DEPDC5: variants seen among roughly 807,000 people sequenced by gnomAD.
DEPDC5 encodes the protein DEP domain containing 5, GATOR1 subcomplex subunit.
In DEPDC5, 73 loss-of-function variants were observed where a neutral mutation model predicts 217.3. The observed-to-expected ratio is 0.34, with a 90% CI of 0.28 to 0.41. The LOEUF (loss-of-function observed/expected upper bound fraction) is 0.41. DEPDC5 is among the 10% of genes least tolerant of loss of function. The pLI, the probability that DEPDC5 is intolerant of heterozygous loss-of-function variation, is 1.00. For synonymous variants in DEPDC5, 733 were observed against 756.7 expected (o/e 0.97, Z 0.51); for missense variants, 1,675 against 2,070.1 (o/e 0.81, Z 3.70).
At chr22:31,843,281 A>G in intron 28 of DEPDC5, 69 bp downstream of exon 28, 1 of 1,423,698 alleles carries the variant, frequency 7.0e-7, no homozygotes, top group Non-Finnish European at 9.7e-7. Flanking sequence ...AATTGTGTGT[A>G]TAGTACATCA....
intron 6 of DEPDC5, 116 bp from the exon 7 acceptor site, chr22:31,768,697 AG>A: frequency 1.2e-6 from 1 of 867,384 alleles, no homozygotes; most frequent in South Asian, 1.7e-5. Flanking sequence ...GAGATTAGAA[AG>A]CTAGGAGTTC....
intron 40 of DEPDC5, among the ~76,000 whole-genome samples, chr22:31,899,814 C>T (rs575015686): frequency 1.3e-5 from 2 of 152,258 alleles, no homozygotes; most frequent in South Asian, 2.1e-4. Context: ...ATTACCACCC[C>T]AGGCCTCAGC....
At chr22:31,768,941 A>G (rs566289457) in intron 7 of DEPDC5, 78 bp downstream of exon 7, 2 of 1,535,684 alleles carry the variant, frequency 1.3e-6, no homozygotes, top group Admixed American at 3.4e-5. Context: ...GGATGTCCAT[A>G]TAATAAAATG....
intron 21 of DEPDC5, 92 bp downstream of exon 21, chr22:31,815,304 A>C: frequency 1.5e-6 from 2 of 1,331,254 alleles, no homozygotes; most frequent in South Asian, 2.4e-5. Flanking sequence ...GGTGGGGTGT[A>C]AATCCCACAT....
chr22:31,828,847 C>G (rs1234738685), intron 24 of DEPDC5, among the ~76,000 whole-genome samples: 2 of 152,208 alleles, frequency 1.3e-5, no homozygotes, highest in East Asian at 1.9e-4. Flanking sequence ...TCCTCATGCA[C>G]TTGGGATTCT....
chr22:31,755,028 G>GGT (rs1294245348), intron 2 of DEPDC5, 49 bp downstream of exon 2: 1 of 1,608,286 alleles, frequency 6.2e-7, no homozygotes, highest in Non-Finnish European at 8.5e-7. Flanking sequence ...CTGAGGTTCT[G>GGT]GTGTGTGCAA....
chr22:31,835,699 C>A (rs1343708795), intron 25 of DEPDC5, among the ~76,000 whole-genome samples: 1 of 152,212 alleles, frequency 6.6e-6, no homozygotes, highest in Non-Finnish European at 1.5e-5. Context: ...ACCTTCTCGG[C>A]TGCCATATAG....
At chr22:31,785,273 C>A (rs11703246) in intron 10 of DEPDC5, among the ~76,000 whole-genome samples, 25,935 of 149,894 alleles carry the variant, frequency 0.17, 2,308 homozygotes, top group African/African-American at 0.21. Flanking sequence ...AATCCTCAAA[C>A]TCCACAAAGT....
At chr22:31,851,791 G>A (rs775964602) in intron 31 of DEPDC5, among the ~76,000 whole-genome samples, 1 of 152,178 alleles carries the variant, frequency 6.6e-6, no homozygotes, top group Non-Finnish European at 1.5e-5. Context: ...ACAAGCAAAC[G>A]TGAGGTATGG....
At chr22:31,863,766 T>C (rs2092593485) in intron 33 of DEPDC5, among the ~76,000 whole-genome samples, 1 of 152,000 alleles carries the variant, frequency 6.6e-6, no homozygotes, top group South Asian at 2.1e-4. Context: ...CTAATAAAAA[T>C]ACAAAAATTA....
intron 29 of DEPDC5, 62 bp downstream of exon 29, chr22:31,843,874 T>C: frequency 1.3e-6 from 2 of 1,488,482 alleles, no homozygotes; most frequent in Non-Finnish European, 1.8e-6. Context: ...GTATGTGTAT[T>C]TTAACACTTT....
chr22:31,844,319 A>C (rs755472257), intron 29 of DEPDC5, among the ~76,000 whole-genome samples: 8 of 152,320 alleles, frequency 5.3e-5, no homozygotes, highest in Non-Finnish European at 7.4e-5. Flanking sequence ...GCTTGAGCCC[A>C]GGAGGTCGTG....
intron 38 of DEPDC5, among the ~76,000 whole-genome samples, chr22:31,880,622 G>A (rs530198550): frequency 4.6e-5 from 7 of 152,360 alleles, no homozygotes; most frequent in Middle Eastern, 3.4e-3. Flanking sequence ...GATCCAGGCC[G>A]GGCACGGTGG....
At position 31,815,385 on chromosome 22, in the gene DEPDC5, CTTTTT is replaced by C. The variant is rs10712869; in HGVS notation, c.1666+191_1666+195del. 1,922 of 564,056 alleles carry C rather than the reference CTTTTT, an allele frequency of 3.4e-3. No homozygotes were observed. Among genetic ancestry groups the C allele is most frequent in the Admixed American group, 5.0e-3 (152 of 30,536 alleles). 34.9% of individuals were successfully genotyped at this position (564,056 alleles called of 1,614,324 possible). A position where few individuals can be genotyped will look rare whatever the true frequency, so the allele number is the denominator to read the frequency against. ...TGTTAGCTATGTATATATTATACTT[CTTTTT>C]TTTTTTTTTTTTTTTTTGGTGACAG... On this transcript the variant is annotated intron_variant, in intron 21 of 42. Coordinates refer to ENST00000651528, the MANE Select transcript of DEPDC5 (RefSeq NM_001242896.3).
Position 31,901,849 on chromosome 22 carries a change from ATCT to A in DEPDC5, c.4436+49_4436+51del, listed in dbSNP as rs766528489. 297 of 1,571,132 alleles carry A rather than the reference ATCT, an allele frequency of 1.9e-4. No individual in the cohort carries two copies. In the African/African-American group the frequency reaches 3.8e-3, roughly 20 times the overall value. ...AAGAGTGGGAAGGAAATCAGTGTTT[ATCT>A]TGAATAGCAGTTACCAAAGTGAAAC... On this transcript the variant is annotated intron_variant, in intron 41 of 42. Transcript: ENST00000651528.
intron 21 of DEPDC5, chr22:31,816,070 C>T (rs2089069512): frequency 3.1e-6 from 3 of 959,932 alleles, no homozygotes; most frequent in Non-Finnish European, 3.7e-6. Context: ...GAGGCCAAGG[C>T]GGGTGGATCA....
chr22:31,807,625 G>T (rs1253504484), intron 18 of DEPDC5, among the ~76,000 whole-genome samples: 2 of 152,122 alleles, frequency 1.3e-5, no homozygotes, highest in Non-Finnish European at 2.9e-5. Flanking sequence ...TGGAGACAGG[G>T]TTTCACATGT....
At chr22:31,875,882 C>A (rs989092918) in intron 36 of DEPDC5, 21 of 286,980 alleles carry the variant, frequency 7.3e-5, no homozygotes, top group Middle Eastern at 1.1e-3. Context: ...ATCCACCCCC[C>A]TCAGCCTCCC....
At chr22:31,787,205 C>A (rs2085091446) in intron 10 of DEPDC5, among the ~76,000 whole-genome samples, 3 of 151,950 alleles carry the variant, frequency 2.0e-5, no homozygotes. Context: ...CCTGCCTTAG[C>A]CTTAGTAGCT....
Sources: allele counts gnomAD v4.1 joint callset (sites outside exome capture counted in the v4.1 genomes callset), GRCh38; gene constraint gnomAD v4.1.1; transcripts MANE v1.5; gene names NCBI Gene and HGNC (gene_info 2026-07-23, HGNC 2026-07-21).